The following ALK variants were observed in gnomAD, a reference collection of about 807,000 sequenced individuals.
ALK encodes the protein ALK receptor tyrosine kinase, also known as ALK tyrosine kinase receptor.
ALK carries 74 observed loss-of-function variants against 163.1 expected under a neutral mutation model. The observed-to-expected ratio is 0.45, with a 90% CI of 0.38 to 0.55. The LOEUF (loss-of-function observed/expected upper bound fraction) is 0.55. ALK is among the 20% of genes least tolerant of loss of function. The pLI is 0.00. For missense variants in ALK, 2,063 were observed against 2,105.3 expected, an observed-to-expected ratio of 0.98 and a Z score of 0.39; for synonymous variants, 960 against 843.2, an observed-to-expected ratio of 1.14 and a Z score of -2.40.
intron 4 of ALK, among the ~76,000 whole-genome samples, chr2:29,460,628 TGCCAAAAACCAC>T (rs935466408): frequency 7.8e-4 from 119 of 152,282 alleles, no homozygotes; most frequent in African/African-American, 2.8e-3. Flanking sequence ...TGGTTTGGGA[TGCCAAAAACCAC>T]GCCAAAATAA....
intron 3 of ALK, among the ~76,000 whole-genome samples, chr2:29,669,699 G>A (rs951443566): frequency 2.0e-5 from 3 of 151,924 alleles, no homozygotes; most frequent in Non-Finnish European, 2.9e-5. Context: ...TTGTGGTTAA[G>A]TGATTTTCTC....
At chr2:29,739,706 T>C (rs1032081599) in intron 1 of ALK, among the ~76,000 whole-genome samples, 2 of 152,094 alleles carry the variant, frequency 1.3e-5, no homozygotes, top group Admixed American at 1.3e-4. Context: ...CAAAATTTAA[T>C]GAAGATGAAA....
At chr2:29,680,842 G>T (rs1224780685) in intron 3 of ALK, among the ~76,000 whole-genome samples, 1 of 152,010 alleles carries the variant, frequency 6.6e-6, no homozygotes, top group East Asian at 1.9e-4. Flanking sequence ...TCTGAAGACT[G>T]CCATAGGTTC....
At chr2:29,741,443 C>T (rs1680055665) in intron 1 of ALK, among the ~76,000 whole-genome samples, 1 of 152,148 alleles carries the variant, frequency 6.6e-6, no homozygotes, top group African/African-American at 2.4e-5. Context: ...ATGTTGGTAC[C>T]TTCCACTTAA....
intron 1 of ALK, among the ~76,000 whole-genome samples, chr2:29,718,856 G>C (rs564471258): frequency 3.3e-5 from 5 of 152,180 alleles, no homozygotes; most frequent in Admixed American, 6.5e-5. Context: ...AGAGGAAAAG[G>C]GGGAGAAGAG....
At chr2:29,887,564 G>A (rs1035678393) in intron 1 of ALK, among the ~76,000 whole-genome samples, 2 of 152,204 alleles carry the variant, frequency 1.3e-5, no homozygotes, top group Non-Finnish European at 2.9e-5. Context: ...AATGAGAGAG[G>A]ATCAAGGACT....
At chr2:29,494,401 A>G (rs1263017699) in intron 4 of ALK, among the ~76,000 whole-genome samples, 1 of 151,898 alleles carries the variant, frequency 6.6e-6, no homozygotes, top group Non-Finnish European at 1.5e-5. Context: ...CACTACAGAG[A>G]GCTTGGTGAA....
At chr2:29,697,991 G>GA (rs1428204656) in intron 2 of ALK, among the ~76,000 whole-genome samples, 3 of 152,238 alleles carry the variant, frequency 2.0e-5, no homozygotes, top group South Asian at 4.1e-4. Flanking sequence ...TAGGAGAAAA[G>GA]AAAAAAATCC....
At chr2:29,484,527 T>C (rs796925501) in intron 4 of ALK, among the ~76,000 whole-genome samples, 1 of 152,172 alleles carries the variant, frequency 6.6e-6, no homozygotes, top group Non-Finnish European at 1.5e-5. Flanking sequence ...TGTTTTTTTC[T>C]AGTGTTTCAG....
chr2:29,260,052 C>CT (rs1558642644), intron 11 of ALK, among the ~76,000 whole-genome samples: 1 of 152,134 alleles, frequency 6.6e-6, no homozygotes, highest in Admixed American at 6.5e-5. Flanking sequence ...TGTGTGTCAT[C>CT]TTTTTCATTT....
At chr2:29,228,073 G>T (rs1436204973) in intron 16 of ALK, among the ~76,000 whole-genome samples, 2 of 152,306 alleles carry the variant, frequency 1.3e-5, no homozygotes, top group Middle Eastern at 3.4e-3. Flanking sequence ...GGTGTGGCGG[G>T]CTGTGCGGAT....
At chr2:29,637,387 G>A (rs181311271) in intron 3 of ALK, among the ~76,000 whole-genome samples, 144 of 152,304 alleles carry the variant, frequency 9.5e-4, no homozygotes, top group African/African-American at 3.3e-3. Context: ...ACTTACAAAA[G>A]TGTAGAAATG....
At chr2:29,489,733 G>A (rs1020679656) in intron 4 of ALK, among the ~76,000 whole-genome samples, 4 of 152,202 alleles carry the variant, frequency 2.6e-5, no homozygotes, top group Non-Finnish European at 5.9e-5. Flanking sequence ...AGCCTGGACC[G>A]AAGAAGCCTA....
rs1178181097 is a variant in ALK, at chr2:29,275,119, G to T, written c.2021C>A (p.Thr674Asn). The stretch of plus-strand genomic sequence containing the variant: ...CTTACCTGTAGGGTCAAAGATGGGG[G>T]TCTGTCTTGGTGAATTTTCCCCGGG... ...LKPGENSPRQ[T>N]PIFDPTVHWL... Residue 674 changes from threonine (T) to asparagine (N), a missense_variant, in exon 11 of 29, where the codon ACC (threonine) becomes AAC (asparagine). Thr to Asn is a moderately conservative substitution (Grantham distance 65). Coordinates refer to ENST00000389048, the MANE Select transcript of ALK (RefSeq NM_004304.5). 6.2e-7 allele frequency: 1 copy of T among 1,614,156 alleles called. No homozygotes were observed. The highest frequency in any genetic ancestry group is 1.3e-5 in the African/African-American group (1 of 75,054).
At chr2:29,852,829 GCTTTCTCTCTCTCT>G (rs1666032687) in intron 1 of ALK, among the ~76,000 whole-genome samples, 1 of 41,316 alleles carries the variant, frequency 2.4e-5, no homozygotes, top group Non-Finnish European at 5.1e-5. Context: ...AAAGACCAGA[GCTTTCTCTCTCTCT>G]CTCTCTCTCT....
intron 4 of ALK, among the ~76,000 whole-genome samples, chr2:29,446,266 C>A (rs1036051596): frequency 6.6e-6 from 1 of 152,034 alleles, no homozygotes; most frequent in African/African-American, 2.4e-5. Context: ...AGCAACAAGG[C>A]TCTGAGGTCC....
At chr2:29,852,503 T>G (rs2148401654) in intron 1 of ALK, among the ~76,000 whole-genome samples, 1 of 152,292 alleles carries the variant, frequency 6.6e-6, no homozygotes, top group Admixed American at 6.5e-5. Context: ...ATGAGACAGA[T>G]CTCTCAATCC....
intron 1 of ALK, among the ~76,000 whole-genome samples, chr2:29,817,436 C>T (rs1215312374): frequency 6.6e-6 from 1 of 152,192 alleles, no homozygotes; most frequent in Non-Finnish European, 1.5e-5. Context: ...TTATCTGTGC[C>T]TGTGAGCAAC....
intron 1 of ALK, among the ~76,000 whole-genome samples, chr2:29,787,314 G>A (rs980415551): frequency 6.6e-6 from 1 of 152,098 alleles, no homozygotes; most frequent in African/African-American, 2.4e-5. Flanking sequence ...GCTGGGTAGG[G>A]GATACAAAGA....
Sources: gnomAD v4.1 joint callset for allele counts (sites outside exome capture counted in the v4.1 genomes callset) on GRCh38, gnomAD v4.1.1 for gene constraint, MANE v1.5 for transcripts, NCBI Gene and HGNC (gene_info 2026-07-23, HGNC 2026-07-21) for gene names.